Variants in SUPT3H observed in about 807,000 individuals in gnomAD.
SUPT3H encodes transcription initiation protein SPT3 homolog.
SUPT3H carries 44 observed loss-of-function variants against 44.3 expected under a neutral mutation model. The observed-to-expected ratio is 0.99, with a 90% confidence interval of 0.78 to 1.28. The LOEUF is 1.28. Ranked by LOEUF, SUPT3H falls within the 50% of genes most tolerant of loss-of-function variation. SUPT3H has a pLI of 0.00. For synonymous variants in SUPT3H, 124 were observed against 125.6 expected (o/e 0.99, Z 0.09); for missense variants, 380 against 387.1 (o/e 0.98, Z 0.15).
At chr6:45,121,030 GTTGA>G (rs1236416901) in intron 2 of SUPT3H, among the ~76,000 whole-genome samples, 4 of 152,072 alleles carry the variant, frequency 2.6e-5, no homozygotes, top group African/African-American at 4.8e-5. Context: ...TTTGGAACAG[GTTGA>G]TTATCTAGGT....
intron 3 of SUPT3H, among the ~76,000 whole-genome samples, chr6:45,021,759 G>A (rs184329089): frequency 8.0e-4 from 122 of 151,904 alleles, no homozygotes; most frequent in African/African-American, 2.7e-3. Flanking sequence ...AATCCTTTTT[G>A]CTAAGTAAGC....
rs73737812 is a variant in SUPT3H, at chr6:44,996,802, T to C, written c.504+6851A>G. 3.9e-3 allele frequency among the ~76,000 whole-genome samples: 594 copies of C among 151,964 alleles called. 7 individuals are homozygous for C. Among genetic ancestry groups the C allele is most frequent in the African/African-American group, 0.014 (566 of 41,550 alleles). ...TTTTTAAAAATGGTTTTACTTTTTA[T>C]ACCAATTTTTTAATATTCTGGAATG... On this transcript the variant is annotated intron_variant, in intron 6 of 10. Coordinates refer to ENST00000371459, the MANE Select transcript of SUPT3H (RefSeq NM_003599.4).
intron 2 of SUPT3H, among the ~76,000 whole-genome samples, chr6:45,249,458 A>G (rs1771975303): frequency 6.6e-6 from 1 of 152,012 alleles, no homozygotes; most frequent in Non-Finnish European, 1.5e-5. Flanking sequence ...ACACAAAAAA[A>G]AAAAGGGAAA....
intron 11 of SUPT3H, among the ~76,000 whole-genome samples, chr6:44,814,657 A>G (rs1301590097): frequency 6.6e-6 from 1 of 151,836 alleles, no homozygotes; most frequent in African/African-American, 2.4e-5. Flanking sequence ...GAGCAGTGTT[A>G]TAGTCTCAAA....
At chr6:45,194,834 T>G (rs1388970898) in intron 2 of SUPT3H, among the ~76,000 whole-genome samples, 1 of 152,152 alleles carries the variant, frequency 6.6e-6, no homozygotes, top group Admixed American at 6.6e-5. Flanking sequence ...CTAAGTAGTA[T>G]TCATCTAATC....
At chr6:45,357,597 G>A (rs1793480182) in intron 2 of SUPT3H, among the ~76,000 whole-genome samples, 1 of 151,960 alleles carries the variant, frequency 6.6e-6, no homozygotes, top group Non-Finnish European at 1.5e-5. Context: ...AAAAGTGCTG[G>A]GATTACAGAC....
At chr6:45,302,706 G>A (rs1205329218) in intron 2 of SUPT3H, among the ~76,000 whole-genome samples, 1 of 151,770 alleles carries the variant, frequency 6.6e-6, no homozygotes, top group Non-Finnish European at 1.5e-5. Flanking sequence ...AGATACCCAG[G>A]ATTGGGATTG....
intron 2 of SUPT3H, among the ~76,000 whole-genome samples, chr6:45,334,245 C>T (rs1581666161): frequency 6.6e-6 from 1 of 150,882 alleles, no homozygotes; most frequent in South Asian, 2.1e-4. Flanking sequence ...TCAGTTACAT[C>T]GATTTTTTAC....
chr6:44,864,507 C>T (rs999234306), intron 10 of SUPT3H, among the ~76,000 whole-genome samples: 5 of 152,228 alleles, frequency 3.3e-5, no homozygotes, highest in Non-Finnish European at 7.3e-5. Flanking sequence ...TTTGCCTGGA[C>T]ATCCAGGTAT....
At position 44,954,611 on chromosome 6, in the gene SUPT3H, G is replaced by C. The variant is rs1774836140; in HGVS notation, c.581-4C>G. 1 of 1,595,328 alleles carries C rather than the reference G, an allele frequency of 6.3e-7. No individual in the cohort carries two copies. The highest frequency in any genetic ancestry group is 8.6e-7 in the Non-Finnish European group (1 of 1,166,402). The stretch of plus-strand genomic sequence containing the variant: ...CGAAATTTGGAAGCTTTTTTGGCTG[G>C]CCATTTAAAAAAAACAAGTGCAGAA... On this transcript the variant is annotated splice_polypyrimidine_tract_variant and splice_region_variant and intron_variant, in intron 7 of 10. Coordinates refer to ENST00000371459, the MANE Select transcript of SUPT3H (RefSeq NM_003599.4).
rs1776089353 is a variant in SUPT3H at position 44,961,924 on chromosome 6, C to T, written c.505-96G>A. Reference sequence around the variant, plus strand: ...TAGAATTGAAGTACCATTTTCCTTTCCTTATTCCAGGTGAACAGGGTAGTA... The same window carrying T: ...TAGAATTGAAGTACCATTTTCCTTTTCTTATTCCAGGTGAACAGGGTAGTA... On this transcript the variant is annotated intron_variant, in intron 6 of 10. Coordinates refer to ENST00000371459, the MANE Select transcript of SUPT3H (RefSeq NM_003599.4). 9 of 928,350 alleles carry T rather than the reference C, an allele frequency of 9.7e-6. No homozygotes were observed. The South Asian group carries it at 1.5e-4, about 15-fold the overall frequency. The allele number at this position is 928,350 out of a possible 1,614,324, so 57.5% of individuals were successfully genotyped here. A position where few individuals can be genotyped will look rare whatever the true frequency, so the allele number is the denominator to read the frequency against.
chr6:45,001,167 G>A (rs1350964471), intron 6 of SUPT3H, among the ~76,000 whole-genome samples: 2 of 152,028 alleles, frequency 1.3e-5, no homozygotes, highest in African/African-American at 4.8e-5. Flanking sequence ...GCTACACTTA[G>A]ACACACCTGC....
intron 1 of SUPT3H, among the ~76,000 whole-genome samples, chr6:45,376,958 T>C (rs995695597): frequency 6.6e-6 from 1 of 151,762 alleles, no homozygotes; most frequent in Non-Finnish European, 1.5e-5. Flanking sequence ...TCTATTAGCC[T>C]CTTGGAGAAA....
At chr6:45,364,054 G>A (rs2150266917) in intron 2 of SUPT3H, among the ~76,000 whole-genome samples, 1 of 151,682 alleles carries the variant, frequency 6.6e-6, no homozygotes, top group Middle Eastern at 3.4e-3. Context: ...AGTGAAGGTT[G>A]CAGTGAGCCA....
chr6:45,328,654 T>C, intron 2 of SUPT3H: 2 of 1,611,110 alleles, frequency 1.2e-6, no homozygotes, highest in Non-Finnish European at 1.7e-6. Flanking sequence ...ATGGTTTGTA[T>C]TTTCAGTTTA....
intron 6 of SUPT3H, among the ~76,000 whole-genome samples, chr6:44,972,052 G>A (rs1035835067): frequency 6.6e-6 from 1 of 151,310 alleles, no homozygotes; most frequent in African/African-American, 2.4e-5. Flanking sequence ...GGGATTACAG[G>A]CATGAGCCAC....
At chr6:45,265,801 C>A (rs1166547230) in intron 2 of SUPT3H, among the ~76,000 whole-genome samples, 3 of 151,858 alleles carry the variant, frequency 2.0e-5, no homozygotes, top group Non-Finnish European at 4.4e-5. Context: ...ATTATGCAAG[C>A]AAGAATGTTA....
At chr6:45,126,858 T>C (rs1045737400) in intron 2 of SUPT3H, among the ~76,000 whole-genome samples, 2 of 152,134 alleles carry the variant, frequency 1.3e-5, no homozygotes, top group Non-Finnish European at 2.9e-5. Flanking sequence ...GTTCATTTTT[T>C]AAAAAGGGGG....
At chr6:45,312,015 C>A (rs1046682340) in intron 2 of SUPT3H, among the ~76,000 whole-genome samples, 3 of 152,160 alleles carry the variant, frequency 2.0e-5, no homozygotes, top group Non-Finnish European at 4.4e-5. Context: ...AAATGCTCCA[C>A]TTATAACATA....
Sources: gnomAD v4.1 joint callset for allele counts (sites outside exome capture counted in the v4.1 genomes callset) on GRCh38, gnomAD v4.1.1 for gene constraint, MANE v1.5 for transcripts, NCBI Gene and HGNC (gene_info 2026-07-23, HGNC 2026-07-21) for gene names.